ARMC3: variants seen among roughly 807,000 people sequenced by gnomAD.
ARMC3 encodes armadillo repeat-containing protein 3.
A neutral mutation model predicts 90.3 loss-of-function variants in ARMC3; 74 were observed. That is an observed-to-expected ratio of 0.82 (90% confidence interval 0.68 to 0.99). The LOEUF (loss-of-function observed/expected upper bound fraction) is 0.99. Ranked by LOEUF, ARMC3 falls within the 50% of genes least tolerant of loss-of-function variation. ARMC3 has a pLI of 0.00. For synonymous variants in ARMC3, 334 were observed against 361.8 expected, an observed-to-expected ratio of 0.92 and a Z score of 0.87; for missense variants, 958 against 1,042.8, an observed-to-expected ratio of 0.92 and a Z score of 1.12.
intron 13 of ARMC3, among the ~76,000 whole-genome samples, chr10:23,005,170 A>G (rs10082382): frequency 0.89 from 130,644 of 146,374 alleles, 58,728 homozygotes; most frequent in African/African-American, 0.97. Flanking sequence ...CCGAGATCAT[A>G]CCACTGCACT....
chr10:22,972,885 G>A (rs965507634), intron 8 of ARMC3, among the ~76,000 whole-genome samples: 5 of 152,092 alleles, frequency 3.3e-5, no homozygotes, highest in African/African-American at 1.2e-4. Flanking sequence ...AAGTATTTTA[G>A]TCTCTTAACT....
intron 2 of ARMC3, among the ~76,000 whole-genome samples, chr10:22,940,373 T>G (rs576450325): frequency 6.6e-6 from 1 of 152,206 alleles, no homozygotes; most frequent in Non-Finnish European, 1.5e-5. Context: ...ATAAAACATT[T>G]CTGAGACAAA....
chr10:22,955,802 G>A lies in ARMC3; in HGVS notation c.167-5G>A, dbSNP rs746542717. ...TGTGTGGTTTTGTTTTACGTGTGAT[G>A]TCAGGTGAGGAAAATAAAACAACCC... On this transcript the variant is annotated splice_region_variant and splice_polypyrimidine_tract_variant and intron_variant, in intron 3 of 18. Transcript: ENST00000298032. The A allele has an allele frequency of 6.2e-7, 1 of 1,613,810 alleles. No individual in the cohort carries two copies. The highest frequency in any genetic ancestry group is 2.2e-5 in the East Asian group (1 of 44,860).
At chr10:22,990,285 CCACTCATTGATTACA>C (rs1836645262) in intron 10 of ARMC3, among the ~76,000 whole-genome samples, 1 of 152,158 alleles carries the variant, frequency 6.6e-6, no homozygotes. Context: ...ATGGTCCTTA[CCACTCATTGATTACA>C]CTTGAGTGAA....
rs139872696 is a variant in ARMC3 at position 22,999,040 on chromosome 10, G to A, written c.1425+643G>A. On this transcript the variant is annotated intron_variant, in intron 11 of 18. Coordinates refer to ENST00000298032, the MANE Select transcript of ARMC3 (RefSeq NM_173081.5). ...AATTGGGTGGAACACCTAGGGGTTC[G>A]GTGTCATTGAAATGGTCATCTCTTA... Among the ~76,000 whole-genome samples the A allele has an allele frequency of 5.5e-3, 841 of 152,264 alleles. 2 individuals carry two copies. Among genetic ancestry groups the A allele is most frequent in the South Asian group, 0.028 (135 of 4,818 alleles).
intron 16 of ARMC3, among the ~76,000 whole-genome samples, chr10:23,012,830 G>A (rs1306919558): frequency 6.6e-6 from 1 of 150,564 alleles, no homozygotes; most frequent in Non-Finnish European, 1.5e-5. Context: ...TCCCACTTTC[G>A]CATAGCCCTC....
At chr10:22,963,528 T>C (rs1835293968) in intron 7 of ARMC3, among the ~76,000 whole-genome samples, 6 of 152,098 alleles carry the variant, frequency 3.9e-5, no homozygotes, top group Admixed American at 3.9e-4. Flanking sequence ...CCATAATTTT[T>C]ATTCAGCATT....
At chr10:23,016,845 T>C (rs1838296013) in intron 16 of ARMC3, among the ~76,000 whole-genome samples, 1 of 152,224 alleles carries the variant, frequency 6.6e-6, no homozygotes, top group Non-Finnish European at 1.5e-5. Flanking sequence ...GCACGCTCTG[T>C]GAGACACACT....
In ARMC3 at chr10:23,030,711, C is replaced by T; in HGVS notation, c.2161C>T (p.Pro721Ser). Residue 721 changes from proline to serine, a missense_variant, in exon 17 of 19, where the codon CCT becomes TCT. Transcript: ENST00000298032. ...SDKEWCPPSD[P>S]DFSMYVYEVT... ...CAAAGAATGGTGTCCTCCCTCTGACCCTGATTTCTCTATGTATGTGTATGA... is the reference window on the plus strand; with the variant it reads ...CAAAGAATGGTGTCCTCCCTCTGACTCTGATTTCTCTATGTATGTGTATGA... 1 of 1,613,754 alleles carries T rather than the reference C, an allele frequency of 6.2e-7. No homozygotes were observed. The highest frequency in any genetic ancestry group is 1.1e-5 in the South Asian group (1 of 91,068).
At position 22,950,876 on chromosome 10, in the gene ARMC3, G is replaced by T. The variant is rs146736908; in HGVS notation, c.166+4615G>T. ...GTAAACAGAGAAAAGAGTAGTACCA[G>T]AGATAAAGAAGGTCATTTTATAATG... On this transcript the variant is annotated intron_variant, in intron 3 of 18. Transcript: ENST00000298032. Among the ~76,000 whole-genome samples, 897 of 150,888 alleles carry T rather than the reference G, an allele frequency of 5.9e-3. 3 individuals carry two copies. The highest frequency in any genetic ancestry group is 0.011 in the Non-Finnish European group (737 of 67,752).
rs1166610266 is a variant in ARMC3, at chr10:22,996,990, T to A, written c.1176-1158T>A. 2.6e-5 allele frequency among the ~76,000 whole-genome samples: 4 copies of A among 152,102 alleles called. No individual in the cohort carries two copies. In the East Asian group the frequency reaches 7.7e-4, roughly 29 times the overall value. On this transcript the variant is annotated intron_variant, in intron 10 of 18. Transcript: ENST00000298032. Reference sequence around the variant, plus strand: ...TGAAAAAATGTGTCAAAAACTTAGATGTTCATATTATTGACATCTCAAGTA... The same window carrying A: ...TGAAAAAATGTGTCAAAAACTTAGAAGTTCATATTATTGACATCTCAAGTA...
chr10:22,977,852 T>G (rs999848957), intron 8 of ARMC3, among the ~76,000 whole-genome samples: 3 of 152,230 alleles, frequency 2.0e-5, no homozygotes, highest in Non-Finnish European at 4.4e-5. Context: ...TATGAATGAA[T>G]GCTCTTCTCA....
chr10:22,947,345 C>T (rs1834572583), intron 3 of ARMC3, among the ~76,000 whole-genome samples: 1 of 150,182 alleles, frequency 6.7e-6, no homozygotes, highest in Non-Finnish European at 1.5e-5. Flanking sequence ...AAACAGAAAA[C>T]AAACCACCAA....
At chr10:22,960,754 A>T (rs1835154672) in intron 6 of ARMC3, 1 of 152,310 alleles carries the variant, frequency 6.6e-6, no homozygotes, top group Non-Finnish European at 1.5e-5. Context: ...AACTACAGAC[A>T]GTCACAGTTC....
chr10:22,959,314 A>G, intron 5 of ARMC3, 85 bp from the exon 6 acceptor site: 7 of 1,403,664 alleles, frequency 5.0e-6, no homozygotes, highest in Non-Finnish European at 5.8e-6. Flanking sequence ...CAATTTGTGG[A>G]GCTTTGGTTT....
At chr10:22,946,349 A>G in intron 3 of ARMC3, 88 bp downstream of exon 3, 1 of 815,942 alleles carries the variant, frequency 1.2e-6, no homozygotes, top group Non-Finnish European at 2.0e-6. Context: ...CTAGTCTTTA[A>G]CTTACTTGCT....
At chr10:22,956,272 A>G (rs1834932272) in intron 4 of ARMC3, among the ~76,000 whole-genome samples, 1 of 152,214 alleles carries the variant, frequency 6.6e-6, no homozygotes, top group Non-Finnish European at 1.5e-5. Context: ...TTTCATGTAT[A>G]TTTCATAGTG....
At chr10:23,009,383 C>T (rs1395622780) in intron 16 of ARMC3, among the ~76,000 whole-genome samples, 1 of 152,230 alleles carries the variant, frequency 6.6e-6, no homozygotes, top group Non-Finnish European at 1.5e-5. Context: ...CCACCTCCCT[C>T]ACCATCTCTG....
intron 1 of ARMC3, among the ~76,000 whole-genome samples, 164 bp from the exon 2 acceptor site, chr10:22,931,832 T>A (rs1833944102): frequency 6.6e-6 from 1 of 152,228 alleles, no homozygotes. Flanking sequence ...GAAATTGGGA[T>A]GTAGGTGACA....
Sources: gnomAD v4.1 joint callset for allele counts (sites outside exome capture counted in the v4.1 genomes callset) on GRCh38, gnomAD v4.1.1 for gene constraint, MANE v1.5 for transcripts, NCBI Gene and HGNC (gene_info 2026-07-23, HGNC 2026-07-21) for gene names.